The following FGF1 variants were observed in gnomAD, a reference collection of about 807,000 sequenced individuals.
FGF1 encodes fibroblast growth factor 1, also known as beta-endothelial cell growth factor.
FGF1 carries 9 observed loss-of-function variants against 13.4 expected under a neutral mutation model. The ratio of observed to expected loss-of-function variants is 0.67; its 90% CI spans 0.40 to 1.17. The LOEUF (loss-of-function observed/expected upper bound fraction) is 1.17, where lower values mean the gene tolerates loss of function less well. FGF1 is among the 50% of genes most tolerant of loss of function. The probability of loss-of-function intolerance (pLI) is 0.01; values close to 1 mark genes in which losing one functional copy is unlikely to be tolerated. For synonymous variants in FGF1, 93 were observed against 79.0 expected, an observed-to-expected ratio of 1.18 and a Z score of -0.94; for missense variants, 156 against 192.7, an observed-to-expected ratio of 0.81 and a Z score of 1.13.
intron 2 of FGF1, among the ~76,000 whole-genome samples, chr5:142,695,296 TG>T (rs754543024): frequency 6.6e-5 from 10 of 152,278 alleles, no homozygotes; most frequent in South Asian, 2.1e-4. Flanking sequence ...ACCTCAAGGC[TG>T]GGCGCAGTGG....
intron 1 of FGF1, among the ~76,000 whole-genome samples, chr5:142,677,919 A>T (rs1319913409): frequency 2.0e-5 from 3 of 152,128 alleles, no homozygotes; most frequent in Non-Finnish European, 4.4e-5. Flanking sequence ...AAGGAAAAAT[A>T]AGTCAGAGGG....
intron 1 of FGF1, among the ~76,000 whole-genome samples, chr5:142,668,660 C>T (rs764358583): frequency 1.3e-5 from 2 of 152,208 alleles, no homozygotes; most frequent in African/African-American, 2.4e-5. Flanking sequence ...ACCTACCTCA[C>T]GTGTTTGTCA....
chr5:142,619,106 T>C, intron 1 of FGF1, among the ~76,000 whole-genome samples: 1 of 151,964 alleles, frequency 6.6e-6, no homozygotes, highest in African/African-American at 2.4e-5. Flanking sequence ...GGCTAATTTT[T>C]TGTATTTTTA....
intron 1 of FGF1, among the ~76,000 whole-genome samples, chr5:142,638,330 C>T (rs1340049639): frequency 1.3e-5 from 2 of 152,020 alleles, no homozygotes; most frequent in African/African-American, 4.8e-5. Flanking sequence ...CCTCCACCTG[C>T]TACGACCCCC....
At chr5:142,629,754 T>C (rs152526) in intron 1 of FGF1, among the ~76,000 whole-genome samples, 77,599 of 150,948 alleles carry the variant, frequency 0.51, 20,586 homozygotes, top group Non-Finnish European at 0.58. Flanking sequence ...ACTCATCCTG[T>C]CTTTATTATT....
intron 2 of FGF1, among the ~76,000 whole-genome samples, chr5:142,696,514 G>A (rs573920918): frequency 6.6e-6 from 1 of 152,308 alleles, no homozygotes; most frequent in East Asian, 1.9e-4. Context: ...ACTAGAAAGG[G>A]AAGCACCTGT....
intron 2 of FGF1, among the ~76,000 whole-genome samples, chr5:142,695,313 G>T (rs1752925193): frequency 6.6e-6 from 1 of 152,176 alleles, no homozygotes; most frequent in African/African-American, 2.4e-5. Flanking sequence ...AGTGGCTTAT[G>T]CCTGTAATCC....
intron 1 of FGF1, among the ~76,000 whole-genome samples, chr5:142,684,235 A>G (rs1028018829): frequency 6.6e-6 from 1 of 152,198 alleles, no homozygotes; most frequent in Non-Finnish European, 1.5e-5. Flanking sequence ...TTCAATGTAG[A>G]TACGGCATAT....
intron 1 of FGF1, among the ~76,000 whole-genome samples, chr5:142,640,763 C>G (rs900623900): frequency 6.6e-6 from 1 of 151,994 alleles, no homozygotes; most frequent in African/African-American, 2.4e-5. Context: ...GTCATTTCCT[C>G]CTGTGACATC....
At chr5:142,656,336 TATCTTG>T (rs1309879556) in intron 1 of FGF1, among the ~76,000 whole-genome samples, 2 of 147,710 alleles carry the variant, frequency 1.4e-5, no homozygotes, top group Non-Finnish European at 2.9e-5. Flanking sequence ...TAACCCACAA[TATCTTG>T]ATTAAAAAAA....
At chr5:142,606,212 C>G (rs923903469) in intron 2 of FGF1, among the ~76,000 whole-genome samples, 37 of 60,086 alleles carry the variant, frequency 6.2e-4, no homozygotes, top group African/African-American at 3.2e-3. Context: ...AACATTCTTT[C>G]TCTCTCTGTG....
intron 1 of FGF1, among the ~76,000 whole-genome samples, chr5:142,628,206 G>T (rs1404102191): frequency 1.3e-5 from 2 of 152,166 alleles, no homozygotes; most frequent in African/African-American, 4.8e-5. Context: ...GGTGCACATT[G>T]CAGTCAAGAT....
At chr5:142,694,958 C>T (rs1317989789) in intron 2 of FGF1, among the ~76,000 whole-genome samples, 1 of 152,152 alleles carries the variant, frequency 6.6e-6, no homozygotes. Context: ...CTTCTTCCTG[C>T]TCTCTGACCC....
chr5:142,619,063 T>C (rs1223357859), intron 1 of FGF1, among the ~76,000 whole-genome samples: 1 of 150,932 alleles, frequency 6.6e-6, no homozygotes, highest in Non-Finnish European at 1.5e-5. Flanking sequence ...GCCTCCTGAG[T>C]AGCTGGGACT....
chr5:142,664,168 T>TC (rs1489271154), intron 1 of FGF1, among the ~76,000 whole-genome samples: 32 of 152,168 alleles, frequency 2.1e-4, no homozygotes, highest in Non-Finnish European at 4.4e-4. Context: ...GGCAAAGTGT[T>TC]CTTTTTTCCT....
At chr5:142,632,826 G>T (rs1188712210) in intron 1 of FGF1, among the ~76,000 whole-genome samples, 1 of 151,992 alleles carries the variant, frequency 6.6e-6, no homozygotes, top group Non-Finnish European at 1.5e-5. Flanking sequence ...CACTTGTAAT[G>T]GTTGTAATGG....
At chr5:142,679,004 C>CACAGTGG (rs1561745632) in intron 1 of FGF1, among the ~76,000 whole-genome samples, 1 of 152,190 alleles carries the variant, frequency 6.6e-6, no homozygotes, top group East Asian at 1.9e-4. Flanking sequence ...GAAAGCCTGA[C>CACAGTGG]GTCTCTCTCC....
Position 142,592,690 on chromosome 5 carries a change from G to A in FGF1, c.*2600C>T, listed in dbSNP as rs927805110. 1.9e-5 allele frequency: 7 copies of A among 373,090 alleles called. No homozygotes were observed. The highest frequency in any genetic ancestry group is 6.8e-4 in the Middle Eastern group (1 of 1,474). The allele number at this position is 373,090 out of a possible 1,614,324, so 23.1% of individuals were successfully genotyped here. A position where few individuals can be genotyped will look rare whatever the true frequency, so the allele number is the denominator to read the frequency against. On this transcript the variant is annotated 3_prime_UTR_variant, in exon 4 of 4. Coordinates refer to ENST00000337706, the MANE Select transcript of FGF1 (RefSeq NM_000800.5). ...TCTTCCTTCTAAGAAGATCTGACAG[G>A]CTCTTTGGCTGATTTGAAAGCAGTC... is the stretch of plus-strand genomic sequence containing the variant.
chr5:142,625,575 A>G (rs1392524150), intron 1 of FGF1, among the ~76,000 whole-genome samples: 1 of 152,116 alleles, frequency 6.6e-6, no homozygotes, highest in Non-Finnish European at 1.5e-5. Flanking sequence ...TCTGAACTTT[A>G]ATGGTACACC....
Sources: gnomAD v4.1 joint callset for allele counts (sites outside exome capture counted in the v4.1 genomes callset) on GRCh38, gnomAD v4.1.1 for gene constraint, MANE v1.5 for transcripts, NCBI Gene and HGNC (gene_info 2026-07-23, HGNC 2026-07-21) for gene names.